CMTM6: variants seen among roughly 807,000 people sequenced by gnomAD.
CMTM6 encodes the protein CKLF-like MARVEL transmembrane domain-containing protein 6.
CMTM6 carries 5 observed loss-of-function variants against 13.6 expected under a neutral mutation model. That is an observed-to-expected ratio of 0.37 (90% CI 0.19 to 0.77). CMTM6 has a LOEUF of 0.77. Ranked by LOEUF, CMTM6 falls within the 30% of genes least tolerant of loss-of-function variation. The pLI is 0.50. For synonymous variants in CMTM6, 99 were observed against 84.5 expected (o/e 1.17, Z -0.94); for missense variants, 196 against 218.6 (o/e 0.90, Z 0.65).
rs1374927092 is a variant in CMTM6, at chr3:32,482,073, A to G, written c.*1887T>C. On this transcript the variant is annotated 3_prime_UTR_variant, in exon 4 of 4. Transcript: ENST00000205636. ...GTGAAACTTTAGTCTACCTACCATA[A>G]ACTCGTTTTCTGAATCAGTCCTTAT... The G allele has an allele frequency of 6.6e-6, 1 of 152,248 alleles. No homozygotes were observed. The highest frequency in any genetic ancestry group is 1.9e-4 in the East Asian group (1 of 5,204). 9.4% of individuals were successfully genotyped at this position (152,248 alleles called of 1,614,324 possible).
At chr3:32,495,378 T>G (rs1017842591) in intron 1 of CMTM6, among the ~76,000 whole-genome samples, 1 of 152,224 alleles carries the variant, frequency 6.6e-6, no homozygotes, top group African/African-American at 2.4e-5. Flanking sequence ...TAAAGATACT[T>G]CCTTAGTCTC....
Position 32,502,700 on chromosome 3 carries a change from C to G in CMTM6, c.46G>C (p.Gly16Arg). 1.3e-6 allele frequency: 2 copies of G among 1,584,112 alleles called. No homozygotes were observed. The highest frequency in any genetic ancestry group is 1.7e-6 in the Non-Finnish European group (2 of 1,167,820). The change falls in exon 1 of 4, where the codon GGC becomes CGC. Residue 16 changes from glycine to arginine, a missense_variant. Transcript: ENST00000205636. The stretch of plus-strand genomic sequence containing the variant: ...CCGCTCCGGGGGCCTCTGGCGGGGC[C>G]CGGGTCCTCCTCCGTAGTGGGGCTG... ...VYSPTTEEDPGPARGPRSGLA... is the reference protein window; with the variant it reads ...VYSPTTEEDPRPARGPRSGLA...
intron 1 of CMTM6, among the ~76,000 whole-genome samples, chr3:32,498,771 G>A (rs1027016208): frequency 1.3e-5 from 2 of 151,418 alleles, no homozygotes; most frequent in Non-Finnish European, 2.9e-5. Flanking sequence ...GTAGAGACGG[G>A]GTTTCACCAT....
chr3:32,487,418 CT>C (rs961688264), intron 3 of CMTM6, among the ~76,000 whole-genome samples: 15 of 151,888 alleles, frequency 9.9e-5, no homozygotes, highest in African/African-American at 3.6e-4. Context: ...TGGTCTTGAA[CT>C]CCTGGCTTCA....
chr3:32,487,252 C>T (rs1697212728), intron 3 of CMTM6, among the ~76,000 whole-genome samples: 1 of 152,148 alleles, frequency 6.6e-6, no homozygotes, highest in Non-Finnish European at 1.5e-5. Flanking sequence ...TTAATTTCCT[C>T]AACACTATCT....
Position 32,484,116 on chromosome 3 carries a change from A to C in CMTM6, c.415-19T>G, listed in dbSNP as rs559764987. The C allele has an allele frequency of 1.3e-6, 2 of 1,561,220 alleles. No individual in the cohort carries two copies. Among genetic ancestry groups the C allele is most frequent in the South Asian group, 2.4e-5 (2 of 83,438 alleles). ...CAAACACCTGAGGAAAAAAAGGAGGAAAGGTTATATGAGAATTTTGGAATA... is the reference window on the plus strand; with the variant it reads ...CAAACACCTGAGGAAAAAAAGGAGGCAAGGTTATATGAGAATTTTGGAATA... On this transcript the variant is annotated intron_variant, in intron 3 of 3. Coordinates refer to ENST00000205636, the MANE Select transcript of CMTM6 (RefSeq NM_017801.3).
chr3:32,484,240 A>AT (rs921077212), intron 3 of CMTM6, 143 bp from the exon 4 acceptor site: 5 of 577,640 alleles, frequency 8.7e-6, no homozygotes, highest in East Asian at 3.5e-5. Flanking sequence ...GGTAAAAAAA[A>AT]TTTTTTTAAG....
At chr3:32,492,946 T>C (rs1344244182) in intron 1 of CMTM6, among the ~76,000 whole-genome samples, 1 of 152,246 alleles carries the variant, frequency 6.6e-6, no homozygotes, top group Admixed American at 6.5e-5. Context: ...TCTTAAACAC[T>C]TGAGAAACAG....
rs2125654777 is a variant in CMTM6, at chr3:32,483,162, G to A, written c.*798C>T. On this transcript the variant is annotated 3_prime_UTR_variant, in exon 4 of 4. Transcript: ENST00000205636. ...TTTTATAATTACTTTCACTGTCTTG[G>A]GCAAAAAGTCTTTCTTATCTTTGGT... The A allele has an allele frequency of 6.6e-6, 1 of 152,566 alleles. No homozygotes were observed. The highest frequency in any genetic ancestry group is 2.4e-5 in the African/African-American group (1 of 41,512). The allele number at this position is 152,566 out of a possible 1,614,324, so 9.5% of individuals were successfully genotyped here.
chr3:32,484,381 T>G (rs539146852), intron 3 of CMTM6, among the ~76,000 whole-genome samples: 1 of 152,294 alleles, frequency 6.6e-6, no homozygotes, highest in Non-Finnish European at 1.5e-5. Flanking sequence ...TATATGAAAG[T>G]AGGGTTAACA....
At chr3:32,492,851 G>A (rs749007095) in intron 1 of CMTM6, among the ~76,000 whole-genome samples, 10 of 152,176 alleles carry the variant, frequency 6.6e-5, no homozygotes, top group African/African-American at 2.2e-4. Context: ...GTCTACTGAC[G>A]AATTCCACAT....
In CMTM6 at chr3:32,485,042, C is replaced by CG. The variant is rs1032041932; in HGVS notation, c.415-946dup. On this transcript the variant is annotated intron_variant, in intron 3 of 3. Coordinates refer to ENST00000205636, the MANE Select transcript of CMTM6 (RefSeq NM_017801.3). ...CAACGCCTCCCACCCTCCCATCCCC[C>CG]GCCACAAAAGCCAAGTCTTTTTCCC... is the stretch of plus-strand genomic sequence containing the variant. Among the ~76,000 whole-genome samples, 55 of 152,016 alleles carry CG rather than the reference C, an allele frequency of 3.6e-4. 1 individual carries two copies. The highest frequency in any genetic ancestry group is 3.0e-3 in the Admixed American group (46 of 15,256).
chr3:32,491,541 C>T (rs1697249867), intron 2 of CMTM6, among the ~76,000 whole-genome samples, 169 bp downstream of exon 2: 1 of 152,194 alleles, frequency 6.6e-6, no homozygotes, highest in African/African-American at 2.4e-5. Flanking sequence ...CCCTCTCTAC[C>T]ATCCCCTTGG....
At chr3:32,484,679 A>G (rs1697187812) in intron 3 of CMTM6, among the ~76,000 whole-genome samples, 2 of 152,238 alleles carry the variant, frequency 1.3e-5, no homozygotes, top group Admixed American at 1.3e-4. Flanking sequence ...ATACGATCAT[A>G]CGTTCTGAGA....
intron 1 of CMTM6, among the ~76,000 whole-genome samples, chr3:32,493,450 G>A (rs953983311): frequency 6.6e-6 from 1 of 152,194 alleles, no homozygotes; most frequent in African/African-American, 2.4e-5. Context: ...GCTAGGGAGA[G>A]AAGAAATTCA....
intron 2 of CMTM6, among the ~76,000 whole-genome samples, chr3:32,489,373 G>A (rs1053739623): frequency 3.3e-5 from 5 of 150,282 alleles, no homozygotes; most frequent in South Asian, 2.1e-4. Flanking sequence ...TTTTCTTGCC[G>A]GGCACGGTGG....
intron 1 of CMTM6, among the ~76,000 whole-genome samples, chr3:32,497,135 G>A (rs55693552): frequency 0.055 from 8,337 of 152,200 alleles, 265 homozygotes; most frequent in Non-Finnish European, 0.071. Context: ...TGTAATCCCA[G>A]CACTCTGGGA....
At chr3:32,491,674 G>GC (rs1697251109) in intron 2 of CMTM6, 36 bp downstream of exon 2, 3 of 1,498,664 alleles carry the variant, frequency 2.0e-6, no homozygotes, top group East Asian at 2.3e-5. Context: ...TTACAAAACA[G>GC]CTATTAATAC....
At chr3:32,495,009 T>A (rs2125658382) in intron 1 of CMTM6, among the ~76,000 whole-genome samples, 1 of 151,682 alleles carries the variant, frequency 6.6e-6, no homozygotes, top group African/African-American at 2.4e-5. Context: ...GACCTCCCTG[T>A]ACTTTTTTTT....
Sources: gnomAD v4.1 joint callset for allele counts (sites outside exome capture counted in the v4.1 genomes callset) on GRCh38, gnomAD v4.1.1 for gene constraint, MANE v1.5 for transcripts, NCBI Gene and HGNC (gene_info 2026-07-23, HGNC 2026-07-21) for gene names.